The following CENPE variants were observed in gnomAD, a reference collection of about 807,000 sequenced individuals.
CENPE encodes the protein centromere protein E, also known as centromere-associated protein E.
A neutral mutation model predicts 336.1 loss-of-function variants in CENPE; 145 were observed. The observed-to-expected ratio is 0.43, with a 90% CI of 0.38 to 0.50. The LOEUF (loss-of-function observed/expected upper bound fraction) is 0.50. CENPE is among the 20% of genes least tolerant of loss of function. The pLI, the probability that CENPE is intolerant of heterozygous loss-of-function variation, is 0.00. For missense variants in CENPE, 2,719 were observed against 3,023.3 expected (o/e 0.90, Z 2.36); for synonymous variants, 1,013 against 984.8 (o/e 1.03, Z -0.54).
In CENPE at chr4:103,196,223, T is replaced by C; in HGVS notation, c.178A>G (p.Lys60Glu). The stretch of plus-strand genomic sequence containing the variant: ...GCTGCTATTTCTTCATACACATTTT[T>C]GGTAGTTTCATTACCATGAAAGACA... The part of the protein sequence containing the change: ...DRVFHGNETT[K>E]NVYEEIAAPI... Residue 60 changes from lysine (K) to glutamate (E), a missense_variant, in exon 3 of 49, where the codon AAA becomes GAA. This residue lies in a region of CENPE where 106 missense variants were observed against 189.3 expected (regional missense o/e 0.56). Transcript: ENST00000265148. 6.2e-7 allele frequency: 1 copy of C among 1,613,682 alleles called. No individual in the cohort carries two copies. The highest frequency in any genetic ancestry group is 8.5e-7 in the Non-Finnish European group (1 of 1,179,762).
rs748841434 is a variant in CENPE, at chr4:103,160,606, T to C, written c.2286+19A>G. ...TTTTTATTTCAAAATAAGGGATAAG[T>C]GCTTATAAATGTGTTTACCTCTTTC... is the stretch of plus-strand genomic sequence containing the variant. On this transcript the variant is annotated intron_variant, in intron 21 of 48. Transcript: ENST00000265148. 6.3e-7 allele frequency: 1 copy of C among 1,588,688 alleles called. No homozygotes were observed. The highest frequency in any genetic ancestry group is 2.3e-5 in the East Asian group (1 of 44,358).
rs1750436143 is a variant in CENPE at position 103,119,661 on chromosome 4, A to C, written c.7329+487T>G. On this transcript the variant is annotated intron_variant, in intron 44 of 48. Transcript: ENST00000265148. ...TGTGGGAAGTGGCTGGAACTAAAAC[A>C]AGAGGGAGCTGTAAGTAGTGATTAA... is the stretch of plus-strand genomic sequence containing the variant. 2.0e-5 allele frequency among the ~76,000 whole-genome samples: 3 copies of C among 152,170 alleles called. No homozygotes were observed. In the South Asian group the frequency reaches 6.2e-4, roughly 32 times the overall value.
chr4:103,146,806 G>C (rs551108516), intron 29 of CENPE, among the ~76,000 whole-genome samples: 1 of 152,344 alleles, frequency 6.6e-6, no homozygotes, highest in Non-Finnish European at 1.5e-5. Context: ...GGGAAGACCA[G>C]TTAGGAGACT....
At chr4:103,168,263 G>C (rs531752944) in intron 16 of CENPE, among the ~76,000 whole-genome samples, 1 of 152,078 alleles carries the variant, frequency 6.6e-6, no homozygotes, top group Admixed American at 6.5e-5. Context: ...GACTGTATTG[G>C]GAACTGCTGG....
chr4:103,123,939 C>T (rs753654572), intron 42 of CENPE, among the ~76,000 whole-genome samples: 4 of 152,194 alleles, frequency 2.6e-5, no homozygotes, highest in Non-Finnish European at 5.9e-5. Context: ...GGCACTGTAT[C>T]ATCTCACATC....
intron 16 of CENPE, among the ~76,000 whole-genome samples, chr4:103,170,327 A>G (rs1168246097): frequency 6.6e-6 from 1 of 152,228 alleles, no homozygotes; most frequent in Non-Finnish European, 1.5e-5. Flanking sequence ...ACAGGCCAGG[A>G]GGGAGTGCAA....
intron 43 of CENPE, among the ~76,000 whole-genome samples, chr4:103,122,114 T>G (rs1329035506): frequency 6.6e-6 from 1 of 152,190 alleles, no homozygotes. Flanking sequence ...GATTTCATCT[T>G]TCCTCTATTT....
intron 6 of CENPE, 50 bp from the exon 7 acceptor site, chr4:103,194,491 A>C: frequency 1.4e-6 from 2 of 1,479,726 alleles, no homozygotes; most frequent in Non-Finnish European, 1.8e-6. Context: ...AATCCATAGA[A>C]ACACAATAAT....
At chr4:103,146,551 C>A (rs1028479220) in intron 29 of CENPE, among the ~76,000 whole-genome samples, 4 of 152,108 alleles carry the variant, frequency 2.6e-5, no homozygotes, top group Non-Finnish European at 5.9e-5. Flanking sequence ...TATGGAGGTA[C>A]TGCAGGTAGA....
chr4:103,164,154 T>C (rs910676584), intron 16 of CENPE, among the ~76,000 whole-genome samples: 6 of 152,126 alleles, frequency 3.9e-5, no homozygotes, highest in African/African-American at 1.2e-4. Flanking sequence ...AGAGGAAATA[T>C]TGCACTCCAT....
Position 103,144,570 on chromosome 4 carries a change from C to G in CENPE, c.4906G>C (p.Val1636Leu). ...CACATTTTCTCCTGAGTCTCATTGA[C>G]AGCTGTCATCTTAAGAAACTGATAT... The part of the protein sequence containing the change: ...KEYQFLKMTA[V>L]NETQEKMCEI... The change falls in exon 33 of 49, where the codon GTC becomes CTC. Residue 1636 changes from valine (V) to leucine (L), a missense_variant. Coordinates refer to ENST00000265148, the MANE Select transcript of CENPE (RefSeq NM_001813.3). 6.2e-7 allele frequency: 1 copy of G among 1,612,266 alleles called. No individual in the cohort carries two copies. The highest frequency in any genetic ancestry group is 2.2e-5 in the East Asian group (1 of 44,854).
At chr4:103,164,368 T>A (rs1754730193) in intron 16 of CENPE, among the ~76,000 whole-genome samples, 1 of 152,048 alleles carries the variant, frequency 6.6e-6, no homozygotes, top group Non-Finnish European at 1.5e-5. Flanking sequence ...TAAAAGCAAA[T>A]TCTAATAGTA....
chr4:103,166,153 A>C (rs754779402), intron 16 of CENPE, among the ~76,000 whole-genome samples: 13 of 152,212 alleles, frequency 8.5e-5, no homozygotes, highest in Admixed American at 1.3e-4. Flanking sequence ...CATATAAAAA[A>C]CATACAAAAA....
At chr4:103,170,006 C>A (rs949331557) in intron 16 of CENPE, among the ~76,000 whole-genome samples, 1 of 152,022 alleles carries the variant, frequency 6.6e-6, no homozygotes, top group Non-Finnish European at 1.5e-5. Context: ...AGCTAGAAAC[C>A]ATCATTCTCA....
chr4:103,188,239 G>C (rs1756977954), intron 8 of CENPE, among the ~76,000 whole-genome samples: 1 of 152,246 alleles, frequency 6.6e-6, no homozygotes, highest in East Asian at 1.9e-4. Flanking sequence ...AGATCAACGA[G>C]ACAGAAAGTT....
At chr4:103,118,552 G>GTTTT (rs1189342569) in intron 44 of CENPE, among the ~76,000 whole-genome samples, 1 of 152,102 alleles carries the variant, frequency 6.6e-6, no homozygotes, top group Non-Finnish European at 1.5e-5. Flanking sequence ...CAACTTACCA[G>GTTTT]TTTTTTTCTT....
Position 103,158,443 on chromosome 4 carries a change from C to T in CENPE, c.2890G>A (p.Glu964Lys), listed in dbSNP as rs777841784. ...GACTCAAGAGCATTTCGTAATTGTT[C>T]TTGAGTATCTATATTCTTTGTTAGA... is the stretch of plus-strand genomic sequence containing the variant. ...DTVNMNIDTQ[E>K]QLRNALESLK... The change falls in exon 24 of 49, where the codon GAA (glutamate) becomes AAA (lysine). Residue 964 changes from glutamate to lysine, a missense_variant. By Grantham distance (56) the Glu-to-Lys change is moderately conservative. Around this residue, in one of 5 missense-constraint regions of CENPE, gnomAD observed 2,437 missense variants for 2,513.3 expected, o/e 0.97. Coordinates refer to ENST00000265148, the MANE Select transcript of CENPE (RefSeq NM_001813.3). The T allele has an allele frequency of 1.3e-6, 2 of 1,579,224 alleles. No homozygotes were observed. Among genetic ancestry groups the T allele is most frequent in the Non-Finnish European group, 1.7e-6 (2 of 1,165,124 alleles).
rs115332805 is a variant in CENPE, at chr4:103,180,741, A to C, written c.1084-272T>G. Among the ~76,000 whole-genome samples the C allele has an allele frequency of 9.8e-3, 1,485 of 152,288 alleles. 19 individuals carry two copies. The highest frequency in any genetic ancestry group is 0.033 in the African/African-American group (1,369 of 41,572). On this transcript the variant is annotated intron_variant, in intron 12 of 48. Transcript: ENST00000265148. ...CAATGCTGTTAATATAACTCTATTA[A>C]TTGCCTAAGAAGATATGAATAGTCA...
chr4:103,146,328 A>C (rs1753054766), intron 29 of CENPE, among the ~76,000 whole-genome samples: 1 of 152,182 alleles, frequency 6.6e-6, no homozygotes, highest in Admixed American at 6.5e-5. Context: ...CTGGAGACAA[A>C]ATGATGAGAC....
Sources: allele counts gnomAD v4.1 joint callset (sites outside exome capture counted in the v4.1 genomes callset), GRCh38; gene constraint gnomAD v4.1.1; regional missense constraint gnomAD v4.1.1; transcripts MANE v1.5; gene names NCBI Gene and HGNC (gene_info 2026-07-23, HGNC 2026-07-21).